The following CDH18 variants were observed in gnomAD, a reference collection of about 807,000 sequenced individuals.
The protein encoded by CDH18 is cadherin-18.
In CDH18, 31 loss-of-function variants were observed where a neutral mutation model predicts 67.9. The observed-to-expected ratio is 0.46, with a 90% CI of 0.34 to 0.62. CDH18 has a LOEUF of 0.62. Among genes scored for constraint, CDH18 ranks in the 20% least tolerant of loss-of-function variants. The pLI is 0.01. For synonymous variants in CDH18, 362 were observed against 347.2 expected, an observed-to-expected ratio of 1.04 and a Z score of -0.48; for missense variants, 890 against 975.5, an observed-to-expected ratio of 0.91 and a Z score of 1.17.
At chr5:19,534,396 T>C (rs957111575) in intron 9 of CDH18, among the ~76,000 whole-genome samples, 7 of 152,152 alleles carry the variant, frequency 4.6e-5, no homozygotes, top group African/African-American at 1.7e-4. Flanking sequence ...AACTTTAGCG[T>C]CACTCATCTT....
At chr5:20,000,562 C>A (rs969193502) in intron 2 of CDH18, among the ~76,000 whole-genome samples, 2 of 152,004 alleles carry the variant, frequency 1.3e-5, no homozygotes, top group African/African-American at 2.4e-5. Flanking sequence ...GAGGTGTTAG[C>A]CAAACATTTT....
intron 1 of CDH18, among the ~76,000 whole-genome samples, chr5:20,548,412 T>C (rs1048667856): frequency 6.6e-6 from 1 of 151,174 alleles, no homozygotes; most frequent in Admixed American, 6.6e-5. Flanking sequence ...AATGCCTGTA[T>C]GGATTGTCAG....
At chr5:19,656,289 G>A (rs1756380429) in intron 5 of CDH18, among the ~76,000 whole-genome samples, 4 of 151,750 alleles carry the variant, frequency 2.6e-5, no homozygotes, top group East Asian at 1.9e-4. Context: ...ATAATAATTC[G>A]TGTTTTTTCT....
At chr5:20,138,442 A>G (rs984682091) in intron 2 of CDH18, among the ~76,000 whole-genome samples, 1 of 152,160 alleles carries the variant, frequency 6.6e-6, no homozygotes, top group Non-Finnish European at 1.5e-5. Context: ...CCTGTTAAAC[A>G]TAGTGTTGGA....
intron 6 of CDH18, among the ~76,000 whole-genome samples, chr5:19,606,597 G>C (rs1278999001): frequency 6.6e-6 from 1 of 151,824 alleles, no homozygotes; most frequent in East Asian, 1.9e-4. Context: ...TGGTGTACTA[G>C]AATATAGGTT....
chr5:20,111,760 GTC>G (rs1334150479), intron 2 of CDH18, among the ~76,000 whole-genome samples: 1 of 151,836 alleles, frequency 6.6e-6, no homozygotes, highest in Non-Finnish European at 1.5e-5. Context: ...GGGCAGGATG[GTC>G]TCGATCTCTT....
chr5:19,864,115 C>A (rs1166960398), intron 2 of CDH18, among the ~76,000 whole-genome samples: 1 of 150,874 alleles, frequency 6.6e-6, no homozygotes, highest in African/African-American at 2.4e-5. Flanking sequence ...ACAGCAAAGA[C>A]TTGGAACCAA....
intron 2 of CDH18, among the ~76,000 whole-genome samples, chr5:19,922,023 C>T (rs968178920): frequency 6.6e-6 from 1 of 151,838 alleles, no homozygotes; most frequent in African/African-American, 2.4e-5. Context: ...AAAGTTAATA[C>T]CAACATCAGA....
At chr5:20,038,316 C>T (rs1234992963) in intron 2 of CDH18, among the ~76,000 whole-genome samples, 2 of 152,030 alleles carry the variant, frequency 1.3e-5, no homozygotes, top group South Asian at 2.1e-4. Context: ...TTCCAAACAA[C>T]TGAAAAAGAG....
intron 2 of CDH18, among the ~76,000 whole-genome samples, chr5:20,206,467 T>C (rs1312996372): frequency 2.0e-5 from 3 of 151,938 alleles, no homozygotes; most frequent in Admixed American, 1.3e-4. Context: ...TTGGAATATT[T>C]CCAAACTTAT....
intron 2 of CDH18, among the ~76,000 whole-genome samples, chr5:19,962,140 T>C (rs1434247388): frequency 6.6e-6 from 1 of 151,914 alleles, no homozygotes; most frequent in African/African-American, 2.4e-5. Context: ...GTCTCTTCTT[T>C]AACCTTGAGT....
intron 2 of CDH18, among the ~76,000 whole-genome samples, chr5:19,849,769 C>CAT (rs72126043): frequency 2.9e-5 from 2 of 68,308 alleles, no homozygotes; most frequent in Non-Finnish European, 4.1e-5. Context: ...TATATATAAA[C>CAT]ATATATATAT....
At chr5:19,531,973 A>T (rs1236027333) in intron 9 of CDH18, among the ~76,000 whole-genome samples, 1 of 152,188 alleles carries the variant, frequency 6.6e-6, no homozygotes. Context: ...AGAGAAGAGA[A>T]ATCCCTTTAA....
intron 5 of CDH18, among the ~76,000 whole-genome samples, chr5:19,693,340 G>A (rs1290965805): frequency 6.6e-6 from 1 of 152,054 alleles, no homozygotes; most frequent in East Asian, 1.9e-4. Flanking sequence ...GAAATTATGT[G>A]AAAGAATTAA....
chr5:19,773,452 G>A (rs1773952943), intron 3 of CDH18, among the ~76,000 whole-genome samples: 1 of 152,148 alleles, frequency 6.6e-6, no homozygotes, highest in African/African-American at 2.4e-5. Context: ...GGGCAAGCAT[G>A]GAGAAAACCT....
chr5:19,560,900 A>G (rs1025823206), intron 8 of CDH18, among the ~76,000 whole-genome samples: 5 of 152,196 alleles, frequency 3.3e-5, no homozygotes, highest in African/African-American at 1.2e-4. Flanking sequence ...CAATAAACAG[A>G]TGAAAAAAAT....
chr5:20,309,687 C>CA (rs1736818944), intron 1 of CDH18, among the ~76,000 whole-genome samples: 1 of 152,108 alleles, frequency 6.6e-6, no homozygotes, highest in Admixed American at 6.5e-5. Flanking sequence ...TAAATATCTC[C>CA]AGCCATTTTT....
chr5:20,200,101 G>A (rs1162585096), intron 2 of CDH18, among the ~76,000 whole-genome samples: 2 of 152,148 alleles, frequency 1.3e-5, no homozygotes, highest in Admixed American at 6.5e-5. Flanking sequence ...CAAAAATGAT[G>A]TCAAATATTT....
chr5:20,537,759 G>GA (rs5866436), intron 1 of CDH18, among the ~76,000 whole-genome samples: 105,197 of 151,846 alleles, frequency 0.69, 36,805 homozygotes, highest in East Asian at 0.98. Flanking sequence ...AAAACTAGAG[G>GA]AAAAAAGTTA....
Sources: allele counts gnomAD v4.1 joint callset (sites outside exome capture counted in the v4.1 genomes callset), GRCh38; gene constraint gnomAD v4.1.1; transcripts MANE v1.5; gene names NCBI Gene and HGNC (gene_info 2026-07-23, HGNC 2026-07-21).